Variants in LINGO2 observed in about 807,000 individuals in gnomAD.
LINGO2 encodes the protein leucine rich repeat and Ig domain containing 2.
Under a neutral mutation model 30.6 loss-of-function variants are expected in LINGO2, and 14 were observed. The ratio of observed to expected loss-of-function variants is 0.46; its 90% CI spans 0.30 to 0.72. The LOEUF (loss-of-function observed/expected upper bound fraction) is 0.72, where lower values mean the gene tolerates loss of function less well. LINGO2 is among the 30% of genes least tolerant of loss of function. The pLI is 0.07. For synonymous variants in LINGO2, 317 were observed against 288.5 expected (o/e 1.10, Z -1.00); for missense variants, 729 against 751.7 (o/e 0.97, Z 0.35).
chr9:28,521,269 T>G (rs1820818593), intron 1 of LINGO2, among the ~76,000 whole-genome samples: 1 of 152,212 alleles, frequency 6.6e-6, no homozygotes, highest in South Asian at 2.1e-4. Context: ...ACATCGTCTC[T>G]GAAATTCAAT....
intron 5 of LINGO2, among the ~76,000 whole-genome samples, chr9:27,956,871 T>C (rs1819596546): frequency 6.6e-6 from 1 of 152,166 alleles, no homozygotes; most frequent in South Asian, 2.1e-4. Flanking sequence ...GGTGGGAGGA[T>C]TGCTTGAAGC....
chr9:28,846,762 A>G, the LINGO2 span, among the ~76,000 whole-genome samples: 2 of 147,826 alleles, frequency 1.4e-5, no homozygotes, highest in Non-Finnish European at 3.0e-5. Context: ...TATACTATCA[A>G]TGTGAAGTGC....
chr9:29,058,326 T>A, the LINGO2 span, among the ~76,000 whole-genome samples: 1 of 152,126 alleles, frequency 6.6e-6, no homozygotes, highest in Non-Finnish European at 1.5e-5. Context: ...TGGCTGCATT[T>A]AGCAGTAAAT....
chr9:28,471,248 T>A (rs937861560), intron 2 of LINGO2, among the ~76,000 whole-genome samples: 1 of 152,162 alleles, frequency 6.6e-6, no homozygotes, highest in Non-Finnish European at 1.5e-5. Flanking sequence ...GAGGTCCAAG[T>A]GCATACTAGC....
At chr9:28,539,020 AG>A (rs1397567820) in intron 1 of LINGO2, among the ~76,000 whole-genome samples, 1 of 152,118 alleles carries the variant, frequency 6.6e-6, no homozygotes, top group Admixed American at 6.6e-5. Context: ...GTTTAAGCTC[AG>A]AGATTTTTCA....
intron 2 of LINGO2, among the ~76,000 whole-genome samples, chr9:28,376,349 T>C (rs1821131305): frequency 6.6e-6 from 1 of 152,176 alleles, no homozygotes; most frequent in Non-Finnish European, 1.5e-5. Flanking sequence ...TCCCCACTAA[T>C]CTTCTTCTAA....
chr9:28,336,522 C>A (rs1245077298), intron 3 of LINGO2, among the ~76,000 whole-genome samples: 2 of 152,050 alleles, frequency 1.3e-5, no homozygotes, highest in Admixed American at 6.6e-5. Context: ...TACATCCTTT[C>A]CAGAAAATTT....
rs556638874 is a variant in LINGO2, at chr9:28,132,105, G to A, written c.-86-119700C>T. Among the ~76,000 whole-genome samples the A allele has an allele frequency of 2.0e-5, 3 of 152,232 alleles. No individual in the cohort carries two copies. In the East Asian group the frequency reaches 5.8e-4, roughly 29 times the overall value. On this transcript the variant is annotated intron_variant, in intron 4 of 5. Transcript: ENST00000379992. ...TGCCAAAAAGTTCAAAGCTAAATAT[G>A]CAGCCCAGTTTTAGTAACTAGTTTT...
chr9:27,978,272 G>A (rs577722133), intron 5 of LINGO2, among the ~76,000 whole-genome samples: 45 of 152,192 alleles, frequency 3.0e-4, no homozygotes, highest in African/African-American at 1.1e-3. Context: ...GATGTCTGGA[G>A]GGACACTGAA....
the LINGO2 span, among the ~76,000 whole-genome samples, chr9:29,157,173 C>A: frequency 1.3e-5 from 2 of 152,070 alleles, no homozygotes; most frequent in Non-Finnish European, 2.9e-5. Flanking sequence ...ATTTACCATT[C>A]CATGAAGCTA....
At chr9:28,638,751 T>C (rs1218018960) in intron 1 of LINGO2, among the ~76,000 whole-genome samples, 1 of 152,148 alleles carries the variant, frequency 6.6e-6, no homozygotes, top group African/African-American at 2.4e-5. Flanking sequence ...TCAATTTTGT[T>C]GCTCTTTTCA....
At chr9:28,601,468 G>T (rs139067839) in intron 1 of LINGO2, among the ~76,000 whole-genome samples, 6 of 152,052 alleles carry the variant, frequency 3.9e-5, no homozygotes, top group Non-Finnish European at 1.5e-5. Context: ...ATGAAGGGGG[G>T]ACTGGAGGAC....
intron 5 of LINGO2, among the ~76,000 whole-genome samples, chr9:27,978,423 C>A (rs926306795): frequency 6.6e-6 from 1 of 151,956 alleles, no homozygotes; most frequent in Non-Finnish European, 1.5e-5. Context: ...GGAGATAGAA[C>A]CTTCGAGAAG....
At chr9:29,181,990 CT>C in the LINGO2 span, among the ~76,000 whole-genome samples, 46 of 152,192 alleles carry the variant, frequency 3.0e-4, no homozygotes, top group Admixed American at 3.0e-3. Context: ...ATAACACCCC[CT>C]GGAGCTGCAT....
At chr9:28,847,787 T>TATAC in the LINGO2 span, among the ~76,000 whole-genome samples, 5 of 37,912 alleles carry the variant, frequency 1.3e-4, no homozygotes, top group African/African-American at 4.1e-4. Flanking sequence ...ATAGTATATA[T>TATAC]ACACATATAT....
the LINGO2 span, among the ~76,000 whole-genome samples, chr9:28,849,515 T>C: frequency 3.2e-4 from 48 of 152,194 alleles, no homozygotes; most frequent in African/African-American, 1.1e-3. Context: ...TAGTAGGTCA[T>C]TGACTTTATA....
chr9:28,351,520 C>T (rs1310427594), intron 3 of LINGO2, among the ~76,000 whole-genome samples: 1 of 148,894 alleles, frequency 6.7e-6, no homozygotes, highest in Non-Finnish European at 1.5e-5. Context: ...AGCTTACCAA[C>T]CAAAAAGAGT....
At chr9:27,951,215 C>G (rs2383753) in intron 5 of LINGO2, among the ~76,000 whole-genome samples, 138,859 of 152,256 alleles carry the variant, frequency 0.91, 63,610 homozygotes, top group Non-Finnish European at 0.96. Context: ...ACAAAACAAA[C>G]TTATATTCAG....
the LINGO2 span, among the ~76,000 whole-genome samples, chr9:29,158,983 C>A: frequency 2.6e-5 from 4 of 152,250 alleles, no homozygotes; most frequent in South Asian, 8.3e-4. Flanking sequence ...AGCCTCAGTG[C>A]CTAACTCTTT....
Sources: gnomAD v4.1 joint callset for allele counts (sites outside exome capture counted in the v4.1 genomes callset) on GRCh38, gnomAD v4.1.1 for gene constraint, MANE v1.5 for transcripts, NCBI Gene and HGNC (gene_info 2026-07-23, HGNC 2026-07-21) for gene names.